The following KIAA0513 variants were observed in gnomAD, a reference collection of about 807,000 sequenced individuals.
KIAA0513 encodes the protein uncharacterized protein KIAA0513.
A neutral mutation model predicts 56.5 loss-of-function variants in KIAA0513; 39 were observed. That is an observed-to-expected ratio of 0.69 (90% CI 0.53 to 0.90). The LOEUF is 0.90. Ranked by LOEUF, KIAA0513 falls within the 40% of genes least tolerant of loss-of-function variation. The pLI, the probability that KIAA0513 is intolerant of heterozygous loss-of-function variation, is 0.00. For missense variants in KIAA0513, 591 were observed against 535.2 expected, an observed-to-expected ratio of 1.10 and a Z score of -1.03; for synonymous variants, 268 against 215.6, an observed-to-expected ratio of 1.24 and a Z score of -2.13.
chr16:85,075,212 T>G (rs1316413067), intron 4 of KIAA0513, among the ~76,000 whole-genome samples: 1 of 151,124 alleles, frequency 6.6e-6, no homozygotes, highest in Non-Finnish European at 1.5e-5. Flanking sequence ...AAGATAAAAA[T>G]GGCCTTTAAT....
intron 1 of KIAA0513, among the ~76,000 whole-genome samples, chr16:85,056,278 G>A (rs973191149): frequency 3.3e-5 from 5 of 152,158 alleles, no homozygotes; most frequent in East Asian, 1.9e-4. Flanking sequence ...TCCCATCAGC[G>A]CGGCGTTAGA....
intron 1 of KIAA0513, 46 bp downstream of exon 1, chr16:85,027,904 A>T (rs2072909959): frequency 1.3e-5 from 2 of 151,788 alleles, no homozygotes; most frequent in African/African-American, 4.8e-5. Flanking sequence ...TCATGAGGGG[A>T]AGGATGACCC....
rs2073880763 is a variant in KIAA0513 at position 85,092,584 on chromosome 16, C to A, written c.*4259C>A. 6.6e-6 allele frequency: 1 copy of A among 152,280 alleles called. No individual in the cohort carries two copies. The allele number at this position is 152,280 out of a possible 1,614,324, so 9.4% of individuals were successfully genotyped here. ...TTCTCACTCAAGGTCGTTCTCACTCCTTTTCCTGTCCCGTTTCCAGTCCCA... is the reference window on the plus strand; with the variant it reads ...TTCTCACTCAAGGTCGTTCTCACTCATTTTCCTGTCCCGTTTCCAGTCCCA... On this transcript the variant is annotated 3_prime_UTR_variant, in exon 13 of 13. Coordinates refer to ENST00000683363, the MANE Select transcript of KIAA0513 (RefSeq NM_001388359.1).
At chr16:85,075,802 G>C in intron 4 of KIAA0513, 42 bp from the exon 5 acceptor site, 3 of 1,597,832 alleles carry the variant, frequency 1.9e-6, no homozygotes, top group Non-Finnish European at 2.6e-6. Context: ...GGAAGAAGCA[G>C]GTGGAGCGAT....
intron 1 of KIAA0513, among the ~76,000 whole-genome samples, chr16:85,057,042 G>T (rs1032735078): frequency 6.6e-6 from 1 of 152,314 alleles, no homozygotes; most frequent in Non-Finnish European, 1.5e-5. Flanking sequence ...GGTGTACAGT[G>T]TCTGAAGACT....
intron 1 of KIAA0513, among the ~76,000 whole-genome samples, chr16:85,037,469 C>G (rs987998748): frequency 6.6e-6 from 1 of 152,036 alleles, no homozygotes; most frequent in South Asian, 2.1e-4. Flanking sequence ...TAGTAAGTAT[C>G]GAGAATGCAA....
chr16:85,054,611 G>A (rs1462459551), intron 1 of KIAA0513, among the ~76,000 whole-genome samples: 2 of 151,590 alleles, frequency 1.3e-5, no homozygotes, highest in Non-Finnish European at 2.9e-5. Context: ...TGTATTTTTA[G>A]TAGAGATGGG....
At chr16:85,054,948 G>T (rs895270407) in intron 1 of KIAA0513, among the ~76,000 whole-genome samples, 18 of 151,806 alleles carry the variant, frequency 1.2e-4, no homozygotes, top group African/African-American at 4.1e-4. Flanking sequence ...TTTGAGGCAG[G>T]GTCTCTCTCT....
intron 1 of KIAA0513, among the ~76,000 whole-genome samples, chr16:85,052,968 G>A (rs2073275432): frequency 6.6e-6 from 1 of 152,050 alleles, no homozygotes; most frequent in Non-Finnish European, 1.5e-5. Context: ...TCGGCTCACT[G>A]CAACCTCCTC....
At chr16:85,047,406 C>G (rs1342516997) in intron 1 of KIAA0513, among the ~76,000 whole-genome samples, 2 of 152,310 alleles carry the variant, frequency 1.3e-5, no homozygotes, top group East Asian at 3.9e-4. Context: ...TATCTTCACC[C>G]CTTCAGCCAG....
At chr16:85,056,307 GC>G (rs1440904295) in intron 1 of KIAA0513, among the ~76,000 whole-genome samples, 1 of 152,168 alleles carries the variant, frequency 6.6e-6, no homozygotes, top group East Asian at 1.9e-4. Flanking sequence ...CCTTTCCGAG[GC>G]CCCCTCTCAA....
intron 1 of KIAA0513, among the ~76,000 whole-genome samples, chr16:85,035,411 G>A (rs2073021588): frequency 6.6e-6 from 1 of 152,236 alleles, no homozygotes; most frequent in African/African-American, 2.4e-5. Context: ...CTCCCAGGCT[G>A]TAAAAGGAAG....
intron 1 of KIAA0513, among the ~76,000 whole-genome samples, chr16:85,033,585 T>C (rs1224747424): frequency 6.6e-6 from 1 of 151,992 alleles, no homozygotes; most frequent in African/African-American, 2.4e-5. Flanking sequence ...TCCAGAGCTC[T>C]GCACTTCTGC....
At chr16:85,067,853 C>T (rs1157591678) in intron 2 of KIAA0513, among the ~76,000 whole-genome samples, 1 of 151,978 alleles carries the variant, frequency 6.6e-6, no homozygotes, top group East Asian at 1.9e-4. Context: ...GTCTGTCACC[C>T]AGGCTGGAGT....
intron 1 of KIAA0513, among the ~76,000 whole-genome samples, chr16:85,033,203 G>A (rs1053747041): frequency 3.3e-5 from 5 of 152,170 alleles, no homozygotes; most frequent in African/African-American, 9.7e-5. Flanking sequence ...TGAAGAGGTC[G>A]AGCAATCCAG....
chr16:85,029,664 A>G lies in KIAA0513; in HGVS notation c.-173+1806A>G, dbSNP rs571796565. 6.6e-5 allele frequency among the ~76,000 whole-genome samples: 10 copies of G among 152,350 alleles called. No homozygotes were observed. The East Asian group carries it at 1.4e-3, about 21-fold the overall frequency. On this transcript the variant is annotated intron_variant, in intron 1 of 12. Transcript: ENST00000683363. Reference sequence around the variant, plus strand: ...TCCTCCCTCCTTTCTCTCATAAAGCAAAAGTAATCAGGTTAAAAGAAACAC... The same window carrying G: ...TCCTCCCTCCTTTCTCTCATAAAGCGAAAGTAATCAGGTTAAAAGAAACAC...
chr16:85,028,318 G>A (rs1436857217), intron 1 of KIAA0513, among the ~76,000 whole-genome samples: 1 of 152,188 alleles, frequency 6.6e-6, no homozygotes, highest in Non-Finnish European at 1.5e-5. Flanking sequence ...CCGGGGGAAA[G>A]ACATTGGCGA....
At chr16:85,041,758 C>G (rs2073106398) in intron 1 of KIAA0513, among the ~76,000 whole-genome samples, 1 of 152,048 alleles carries the variant, frequency 6.6e-6, no homozygotes, top group Non-Finnish European at 1.5e-5. Context: ...AAGGAGGGAC[C>G]CTGGGTTCCC....
At chr16:85,048,798 A>G (rs2073207093) in intron 1 of KIAA0513, among the ~76,000 whole-genome samples, 1 of 152,232 alleles carries the variant, frequency 6.6e-6, no homozygotes, top group Non-Finnish European at 1.5e-5. Context: ...AACATGTATC[A>G]ACCAGATAAG....
Sources: allele counts gnomAD v4.1 joint callset (sites outside exome capture counted in the v4.1 genomes callset), GRCh38; gene constraint gnomAD v4.1.1; transcripts MANE v1.5; gene names NCBI Gene and HGNC (gene_info 2026-07-23, HGNC 2026-07-21).